The following ATP8B3 variants were observed in gnomAD, a reference collection of about 807,000 sequenced individuals.
ATP8B3 encodes the protein ATPase phospholipid transporting 8B3, also known as phospholipid-transporting ATPase IK.
In ATP8B3, 141 loss-of-function variants were observed where a neutral mutation model predicts 140.9. That is an observed-to-expected ratio of 1.00 (90% confidence interval 0.87 to 1.15). The LOEUF is 1.15. Ranked by LOEUF, ATP8B3 falls within the 50% of genes most tolerant of loss-of-function variation. The pLI is 0.00. For synonymous variants in ATP8B3, 765 were observed against 714.6 expected, an observed-to-expected ratio of 1.07 and a Z score of -1.13; for missense variants, 1,874 against 1,740.6, an observed-to-expected ratio of 1.08 and a Z score of -1.36.
chr19:1,792,273 G>GA (rs1300117604), intron 18 of ATP8B3, 138 bp from the exon 19 acceptor site: 26 of 1,049,834 alleles, frequency 2.5e-5, no homozygotes, highest in Non-Finnish European at 6.7e-6. Flanking sequence ...ACAGCAGCCA[G>GA]AAGGGATTCA....
chr19:1,796,018 A>T (rs1259274419), intron 17 of ATP8B3, 31 bp from the exon 18 acceptor site: 1 of 1,611,928 alleles, frequency 6.2e-7, no homozygotes, highest in Non-Finnish European at 8.5e-7. Flanking sequence ...CTGCCCACAG[A>T]GGCTCCCCGT....
chr19:1,783,307 C>A (rs780251979), intron 28 of ATP8B3, 37 bp from the exon 29 acceptor site: 2 of 1,584,968 alleles, frequency 1.3e-6, no homozygotes, highest in Admixed American at 3.6e-5. Flanking sequence ...AAGCAGACTC[C>A]TATGCTTGGC....
intron 12 of ATP8B3, 149 bp downstream of exon 12, chr19:1,801,807 C>A: frequency 2.4e-6 from 1 of 412,668 alleles, no homozygotes; most frequent in East Asian, 3.7e-5. Context: ...TAAAAAATTA[C>A]TTTAATGAAA....
rs950904958 is a variant in ATP8B3 at position 1,796,267 on chromosome 19, T to C, written c.1754-2A>G. On this transcript the variant is annotated splice_acceptor_variant, in intron 16 of 28. Transcript: ENST00000310127. LOFTEE classifies it high-confidence loss of function. ...AGGCCGCCTGGTACAACAGCTGGTCTGGTAGGGAGGGGGGCCATTTTGGGG... is the reference window on the plus strand; with the variant it reads ...AGGCCGCCTGGTACAACAGCTGGTCCGGTAGGGAGGGGGGCCATTTTGGGG... 2.5e-6 allele frequency: 4 copies of C among 1,605,382 alleles called. No homozygotes were observed. Among genetic ancestry groups the C allele is most frequent in the Non-Finnish European group, 3.4e-6 (4 of 1,177,312 alleles).
intron 12 of ATP8B3, among the ~76,000 whole-genome samples, chr19:1,801,468 T>C (rs932190725): frequency 6.6e-6 from 1 of 152,192 alleles, no homozygotes; most frequent in African/African-American, 2.4e-5. Flanking sequence ...ATATTTATTC[T>C]GGCCAGGCAC....
rs1185202076 is a variant in ATP8B3, at chr19:1,796,728, C to T, written c.1736G>A (p.Ser579Asn). Residue 579 changes from serine (S) to asparagine (N), a missense_variant, in exon 16 of 29, where the codon AGC (serine) becomes AAC (asparagine). Transcript: ENST00000310127. Reference sequence around the variant, plus strand: ...GGGCGCACCTGGGCGCTCACGGGGGCTCTCCCGCACCATCACCGTGTGGCA... The same window carrying T: ...GGGCGCACCTGGGCGCTCACGGGGGTTCTCCCGCACCATCACCGTGTGGCA... ...AICHTVMVRE[S>N]PRERPDQLLY... 5 of 1,610,946 alleles carry T rather than the reference C, an allele frequency of 3.1e-6. No homozygotes were observed. Among genetic ancestry groups the T allele is most frequent in the Non-Finnish European group, 4.2e-6 (5 of 1,179,322 alleles).
intron 18 of ATP8B3, 151 bp downstream of exon 18, chr19:1,795,724 A>C: frequency 2.8e-6 from 2 of 724,372 alleles, no homozygotes; most frequent in Non-Finnish European, 2.3e-6. Flanking sequence ...CATCCCAGGT[A>C]CCTGCAGCCT....
At chr19:1,802,784 C>G in intron 10 of ATP8B3, 139 bp from the exon 11 acceptor site, 1 of 1,037,064 alleles carries the variant, frequency 9.6e-7, no homozygotes, top group East Asian at 2.6e-5. Context: ...GGTGCCCCAG[C>G]ACTGGGCTGC....
At chr19:1,802,837 G>A (rs2068897900) in intron 10 of ATP8B3, among the ~76,000 whole-genome samples, 192 bp from the exon 11 acceptor site, 2 of 152,138 alleles carry the variant, frequency 1.3e-5, no homozygotes, top group Admixed American at 6.6e-5. Context: ...GGGACTTTGG[G>A]CAGGCTGTTC....
rs747216907 is a variant in ATP8B3, at chr19:1,802,661, T to G, written c.905-16A>C. The G allele has an allele frequency of 6.2e-7, 1 of 1,603,870 alleles. No individual in the cohort carries two copies. Among genetic ancestry groups the G allele is most frequent in the Non-Finnish European group, 8.5e-7 (1 of 1,176,170 alleles). ...GTCACTGTGCCTGTGGGTGGCCAGG[T>G]GGTCAGTGGGTCAGTGGGCTCAGGC... On this transcript the variant is annotated splice_polypyrimidine_tract_variant and intron_variant, in intron 10 of 28. Coordinates refer to ENST00000310127, the MANE Select transcript of ATP8B3 (RefSeq NM_138813.4).
intron 14 of ATP8B3, chr19:1,798,663 G>C (rs983428432): frequency 6.6e-6 from 1 of 151,812 alleles, no homozygotes; most frequent in African/African-American, 2.4e-5. Flanking sequence ...GCGTGAACCC[G>C]GGAAGTGGAG....
Position 1,805,827 on chromosome 19 carries a change from G to C in ATP8B3, c.821+61C>G, listed in dbSNP as rs1445777533. The C allele has an allele frequency of 1.3e-5, 20 of 1,594,938 alleles. No individual in the cohort carries two copies. The highest frequency in any genetic ancestry group is 1.6e-5 in the Non-Finnish European group (19 of 1,165,534). On this transcript the variant is annotated intron_variant, in intron 9 of 28. Coordinates refer to ENST00000310127, the MANE Select transcript of ATP8B3 (RefSeq NM_138813.4). The surrounding 1 kb of genome is among the most constrained non-coding windows in gnomAD (Gnocchi z 5.2). ...CCGCCTCCTTGGTGACTGGGGAAGG[G>C]GGCTCCTCCGGGCCATGCTCCCCAC...
rs2068399617 is a variant in ATP8B3 at position 1,789,100 on chromosome 19, G to GC, written c.2865dup (p.Leu956AlafsTer72). On this transcript the variant is annotated frameshift_variant, in exon 24 of 29. Transcript: ENST00000310127. LOFTEE classifies it high-confidence loss of function. Reference sequence around the variant, plus strand: ...GCCTGCATGCCCTCCTGGCCCGCCAGCCCCACGCCCACGTCCGCGGCTGCA... The same window carrying GC: ...GCCTGCATGCCCTCCTGGCCCGCCAGCCCCCACGCCCACGTCCGCGGCTGCA... 6.3e-7 allele frequency: 1 copy of GC among 1,592,828 alleles called. No homozygotes were observed. The highest frequency in any genetic ancestry group is 1.1e-5 in the South Asian group (1 of 88,674).
chr19:1,809,036 T>C (rs2069109791), intron 4 of ATP8B3, among the ~76,000 whole-genome samples: 1 of 151,256 alleles, frequency 6.6e-6, no homozygotes, highest in African/African-American at 2.4e-5. Context: ...TAGCCGGGCG[T>C]GGTTGTGGGT....
chr19:1,802,771 T>A, intron 10 of ATP8B3, 126 bp from the exon 11 acceptor site: 1 of 1,176,906 alleles, frequency 8.5e-7, no homozygotes, highest in Non-Finnish European at 1.2e-6. Flanking sequence ...AAACTTGCCC[T>A]ATGGTGCCCC....
chr19:1,791,594 T>C (rs2068511881), intron 20 of ATP8B3, among the ~76,000 whole-genome samples, 156 bp downstream of exon 20: 1 of 152,044 alleles, frequency 6.6e-6, no homozygotes, highest in Admixed American at 6.6e-5. Flanking sequence ...GGTTTGACCA[T>C]GTTGGCCCTG....
At chr19:1,792,743 C>A (rs2068553739) in intron 18 of ATP8B3, among the ~76,000 whole-genome samples, 1 of 151,940 alleles carries the variant, frequency 6.6e-6, no homozygotes, top group African/African-American at 2.4e-5. Flanking sequence ...GAAACCGCGT[C>A]TCCACTCGAA....
intron 22 of ATP8B3, 40 bp downstream of exon 22, chr19:1,789,850 T>C (rs2068436251): frequency 6.3e-7 from 1 of 1,597,548 alleles, no homozygotes; most frequent in African/African-American, 1.4e-5. Flanking sequence ...GGCCCCTCCC[T>C]GGCGCCGGGA....
At chr19:1,808,907 T>C (rs1224185199) in intron 4 of ATP8B3, among the ~76,000 whole-genome samples, 1 of 152,184 alleles carries the variant, frequency 6.6e-6, no homozygotes, top group Non-Finnish European at 1.5e-5. Flanking sequence ...ACATGGTGGC[T>C]CACCCCTGTA....
Sources: gnomAD v4.1 joint callset for allele counts (sites outside exome capture counted in the v4.1 genomes callset) on GRCh38, gnomAD v4.1.1 for gene constraint, Gnocchi (gnomAD v3.1) non-coding constraint, MANE v1.5 for transcripts, NCBI Gene and HGNC (gene_info 2026-07-23, HGNC 2026-07-21) for gene names.